Variants in CDK13 observed in about 807,000 individuals in gnomAD.
The protein encoded by CDK13 is cyclin-dependent kinase 13.
In CDK13, 40 loss-of-function variants were observed where a neutral mutation model predicts 137.6. The ratio of observed to expected loss-of-function variants is 0.29; its 90% CI spans 0.23 to 0.38. The LOEUF (loss-of-function observed/expected upper bound fraction) is 0.38, where lower values mean the gene tolerates loss of function less well. Ranked by LOEUF, CDK13 falls within the 10% of genes least tolerant of loss-of-function variation. The probability of loss-of-function intolerance (pLI) is 1.00; values close to 1 mark genes in which losing one functional copy is unlikely to be tolerated. For missense variants in CDK13, 1,704 were observed against 1,951.8 expected, an observed-to-expected ratio of 0.87 and a Z score of 2.39; for synonymous variants, 869 against 760.1, an observed-to-expected ratio of 1.14 and a Z score of -2.36.
At chr7:40,018,584 A>G (rs1268100081) in intron 5 of CDK13, among the ~76,000 whole-genome samples, 2 of 152,236 alleles carry the variant, frequency 1.3e-5, no homozygotes, top group African/African-American at 4.8e-5. Context: ...GCCATAAAAA[A>G]GAATGAGAGT....
chr7:39,966,023 C>T (rs552366132), intron 1 of CDK13, among the ~76,000 whole-genome samples: 3 of 152,220 alleles, frequency 2.0e-5, no homozygotes, highest in African/African-American at 4.8e-5. Flanking sequence ...GTGGGTAACC[C>T]GACCTTTCTC....
At chr7:40,036,921 A>G (rs561645953) in intron 5 of CDK13, among the ~76,000 whole-genome samples, 2 of 152,302 alleles carry the variant, frequency 1.3e-5, no homozygotes, top group African/African-American at 2.4e-5. Flanking sequence ...AATGTTTTTT[A>G]TAGCTGCTTT....
chr7:40,085,305 G>A (rs1039194004), intron 11 of CDK13, among the ~76,000 whole-genome samples: 2 of 151,614 alleles, frequency 1.3e-5, no homozygotes, highest in Non-Finnish European at 2.9e-5. Context: ...AGGTTGGAGT[G>A]AGCCGGGATA....
At chr7:40,071,664 C>G (rs1364987054) in intron 9 of CDK13, 1 of 152,198 alleles carries the variant, frequency 6.6e-6, no homozygotes, top group East Asian at 1.9e-4. Flanking sequence ...CTGAACAGAT[C>G]TTCCAAATGT....
At chr7:40,062,568 C>T (rs1786179271) in intron 7 of CDK13, 3 of 346,238 alleles carry the variant, frequency 8.7e-6, no homozygotes, top group Non-Finnish European at 1.1e-5. Flanking sequence ...GCGTGAGCCA[C>T]CGTGCCCAGC....
chr7:40,019,886 T>C (rs1042185669), intron 5 of CDK13, among the ~76,000 whole-genome samples: 6 of 152,164 alleles, frequency 3.9e-5, no homozygotes, highest in Non-Finnish European at 8.8e-5. Context: ...AGAAACTCAG[T>C]GTATGCCATA....
At chr7:40,001,520 T>G (rs1372851599) in intron 4 of CDK13, among the ~76,000 whole-genome samples, 1 of 152,148 alleles carries the variant, frequency 6.6e-6, no homozygotes, top group African/African-American at 2.4e-5. Context: ...TGGCCTAGCA[T>G]CTTTCTGTTT....
chr7:40,023,393 A>G lies in CDK13; in HGVS notation c.2353+21362A>G, dbSNP rs1562734476. On this transcript the variant is annotated intron_variant, in intron 5 of 13. Transcript: ENST00000181839. ...TTCTGATTATACATTTTCATAAGGTATTCGTGGTTGAAATAGGTGATTTTC... is the reference window on the plus strand; with the variant it reads ...TTCTGATTATACATTTTCATAAGGTGTTCGTGGTTGAAATAGGTGATTTTC... Among the ~76,000 whole-genome samples, 3 of 152,058 alleles carry G rather than the reference A, an allele frequency of 2.0e-5. No individual in the cohort carries two copies. In the South Asian group the frequency reaches 6.2e-4, roughly 31 times the overall value.
intron 5 of CDK13, among the ~76,000 whole-genome samples, chr7:40,020,709 A>G (rs1039254756): frequency 2.0e-5 from 3 of 152,246 alleles, no homozygotes; most frequent in African/African-American, 4.8e-5. Context: ...TATGCTTTTA[A>G]TGGTAATATT....
intron 2 of CDK13, among the ~76,000 whole-genome samples, chr7:39,996,234 T>C (rs1020898362): frequency 6.6e-6 from 1 of 152,212 alleles, no homozygotes; most frequent in Middle Eastern, 3.2e-3. Context: ...ATTATTTACA[T>C]TGATAATATC....
intron 7 of CDK13, among the ~76,000 whole-genome samples, chr7:40,055,156 C>CTGTGTGTGTGTGTGTG (rs56001601): frequency 4.5e-4 from 63 of 140,436 alleles, no homozygotes; most frequent in African/African-American, 1.6e-3. Context: ...GGCAGAAGGA[C>CTGTGTGTGTGTGTGTG]TGTGTGTGTG....
chr7:39,957,090 CGTGTGTGTGTGTGT>C lies in CDK13; in HGVS notation c.1211+5267_1211+5280del, dbSNP rs70996865. Among the ~76,000 whole-genome samples the C allele has an allele frequency of 3.1e-4, 44 of 141,014 alleles. 1 individual carries two copies. The highest frequency in any genetic ancestry group is 1.7e-3 in the South Asian group (7 of 4,214). 92.5% of individuals were successfully genotyped at this position (141,014 alleles called of 152,430 possible). A position where few individuals can be genotyped will look rare whatever the true frequency, so the allele number is the denominator to read the frequency against. ...AAACTCAGCTCAAAAATCCCACTGT[CGTGTGTGTGTGTGT>C]GTGTGTGTGTGTGTGTGTGTGTGTG... On this transcript the variant is annotated intron_variant, in intron 1 of 13. Transcript: ENST00000181839.
chr7:39,960,865 G>A (rs1787596588), intron 1 of CDK13, among the ~76,000 whole-genome samples: 1 of 152,052 alleles, frequency 6.6e-6, no homozygotes, highest in African/African-American at 2.4e-5. Flanking sequence ...GTGAGCCACC[G>A]CACCCGGCCA....
At chr7:40,017,033 A>G (rs986501631) in intron 5 of CDK13, among the ~76,000 whole-genome samples, 1 of 152,176 alleles carries the variant, frequency 6.6e-6, no homozygotes, top group Non-Finnish European at 1.5e-5. Context: ...TGTGCAAAAC[A>G]AGCATGTGCA....
intron 7 of CDK13, among the ~76,000 whole-genome samples, chr7:40,055,472 T>G (rs1317720028): frequency 1.3e-5 from 2 of 152,188 alleles, no homozygotes; most frequent in African/African-American, 2.4e-5. Context: ...ATCAGTTTGC[T>G]TCTTCTTTGT....
intron 11 of CDK13, among the ~76,000 whole-genome samples, chr7:40,083,766 A>G (rs1414978469): frequency 6.6e-6 from 1 of 152,208 alleles, no homozygotes; most frequent in East Asian, 1.9e-4. Flanking sequence ...GCTATCTGTA[A>G]CAAATTATGG....
intron 1 of CDK13, among the ~76,000 whole-genome samples, chr7:39,963,793 C>CA (rs1783806025): frequency 6.6e-6 from 1 of 151,312 alleles, no homozygotes; most frequent in African/African-American, 2.4e-5. Context: ...GAGATACGTC[C>CA]ATCAATACCT....
At chr7:40,001,148 A>G (rs1784676741) in intron 4 of CDK13, among the ~76,000 whole-genome samples, 1 of 151,298 alleles carries the variant, frequency 6.6e-6, no homozygotes. Flanking sequence ...CATATTGGCT[A>G]TATTTGTCTT....
At chr7:40,008,725 T>A (rs1341768320) in intron 5 of CDK13, among the ~76,000 whole-genome samples, 2 of 152,218 alleles carry the variant, frequency 1.3e-5, no homozygotes, top group Non-Finnish European at 2.9e-5. Flanking sequence ...AGGGTTTTTT[T>A]AATTGAAAAT....
Sources: gnomAD v4.1 joint callset for allele counts (sites outside exome capture counted in the v4.1 genomes callset) on GRCh38, gnomAD v4.1.1 for gene constraint, MANE v1.5 for transcripts, NCBI Gene and HGNC (gene_info 2026-07-23, HGNC 2026-07-21) for gene names.